The following CFAP69 variants were observed in gnomAD, a reference collection of about 807,000 sequenced individuals.
CFAP69 encodes cilia and flagella associated protein 69, also known as cilia- and flagella-associated protein 69.
A neutral mutation model predicts 123.0 loss-of-function variants in CFAP69; 92 were observed. The ratio of observed to expected loss-of-function variants is 0.75; its 90% confidence interval spans 0.63 to 0.89. The LOEUF (loss-of-function observed/expected upper bound fraction) is 0.89, where lower values mean the gene tolerates loss of function less well. CFAP69 is among the 40% of genes least tolerant of loss of function. CFAP69 has a pLI of 0.00. For synonymous variants in CFAP69, 380 were observed against 364.3 expected (o/e 1.04, Z -0.49); for missense variants, 1,067 against 1,096.9 (o/e 0.97, Z 0.39).
chr7:90,296,354 G>T (rs1018586512), intron 15 of CFAP69, among the ~76,000 whole-genome samples: 5 of 151,592 alleles, frequency 3.3e-5, no homozygotes, highest in Admixed American at 6.6e-5. Context: ...TTTAGACGGG[G>T]TCTCATTCTG....
intron 15 of CFAP69, among the ~76,000 whole-genome samples, chr7:90,289,726 G>C (rs1287836312): frequency 6.6e-6 from 1 of 152,052 alleles, no homozygotes; most frequent in Admixed American, 6.6e-5. Context: ...CACTGCCTAT[G>C]TTTCTTCTAG....
At position 90,310,006 on chromosome 7, in the gene CFAP69, G is replaced by A. The variant is rs1338090565; in HGVS notation, c.2656-62G>A. On this transcript the variant is annotated intron_variant, in intron 22 of 22. Transcript: ENST00000389297. Reference sequence around the variant, plus strand: ...CAAAAGTAAGCTGAAGGATGAATGAGTTTTTCTCTTGTTGAAAATTGTGTA... The same window carrying A: ...CAAAAGTAAGCTGAAGGATGAATGAATTTTTCTCTTGTTGAAAATTGTGTA... The A allele has an allele frequency of 6.5e-6, 9 of 1,392,258 alleles. No homozygotes were observed. In the African/African-American group the frequency reaches 8.6e-5, roughly 13 times the overall value. 86.2% of individuals were successfully genotyped at this position (1,392,258 alleles called of 1,614,324 possible).
At chr7:90,303,654 G>A (rs1296834813) in intron 17 of CFAP69, 1 of 985,844 alleles carries the variant, frequency 1.0e-6, no homozygotes, top group East Asian at 1.0e-4. Flanking sequence ...CTGTTAAACT[G>A]ACATTACTCA....
chr7:90,247,349 C>T (rs538299232), intron 1 of CFAP69, among the ~76,000 whole-genome samples: 1 of 152,252 alleles, frequency 6.6e-6, no homozygotes, highest in African/African-American at 2.4e-5. Context: ...TCTTTCAAAC[C>T]ACTGCACATT....
intron 17 of CFAP69, chr7:90,301,747 A>T (rs1792850633): frequency 6.6e-6 from 1 of 152,126 alleles, no homozygotes; most frequent in Non-Finnish European, 1.5e-5. Flanking sequence ...ATTTAGGTTG[A>T]TTCCATGTCT....
intron 16 of CFAP69, among the ~76,000 whole-genome samples, chr7:90,299,246 A>G (rs955177255): frequency 6.6e-6 from 1 of 152,168 alleles, no homozygotes; most frequent in Admixed American, 6.5e-5. Context: ...ATTGCTCTGG[A>G]TGGAATTTTC....
chr7:90,306,767 C>T, intron 19 of CFAP69, 134 bp from the exon 20 acceptor site: 1 of 647,090 alleles, frequency 1.5e-6, no homozygotes, highest in Non-Finnish European at 2.8e-6. Context: ...TCCCAATGCA[C>T]TTATTCCCAG....
At chr7:90,266,166 A>G (rs887982836) in intron 5 of CFAP69, 1 of 152,164 alleles carries the variant, frequency 6.6e-6, no homozygotes, top group East Asian at 1.9e-4. Context: ...TAGAGATTCA[A>G]CTGGAATGAA....
intron 1 of CFAP69, among the ~76,000 whole-genome samples, chr7:90,248,109 C>T (rs1194710220): frequency 2.6e-5 from 4 of 152,306 alleles, no homozygotes; most frequent in Admixed American, 6.5e-5. Context: ...TGAAATCTTA[C>T]TTGCTTTAAT....
chr7:90,274,539 T>C (rs905267256), intron 9 of CFAP69, among the ~76,000 whole-genome samples: 2 of 152,190 alleles, frequency 1.3e-5, no homozygotes, highest in Non-Finnish European at 2.9e-5. Context: ...TATAGAACTC[T>C]AGGCTGAAAA....
At chr7:90,283,664 C>A (rs990386895) in intron 13 of CFAP69, among the ~76,000 whole-genome samples, 1 of 152,122 alleles carries the variant, frequency 6.6e-6, no homozygotes, top group Non-Finnish European at 1.5e-5. Context: ...AACCCCTAAA[C>A]AAAAGCTGCT....
chr7:90,293,363 T>C (rs967735882), intron 15 of CFAP69, among the ~76,000 whole-genome samples: 4 of 152,184 alleles, frequency 2.6e-5, no homozygotes, highest in Non-Finnish European at 5.9e-5. Context: ...ACAATTTCTG[T>C]TAAAGAGCAG....
At chr7:90,270,688 T>G (rs1193852258) in intron 6 of CFAP69, among the ~76,000 whole-genome samples, 1 of 152,062 alleles carries the variant, frequency 6.6e-6, no homozygotes, top group Non-Finnish European at 1.5e-5. Context: ...AAGAATCTAG[T>G]TGGACTCAAA....
At chr7:90,252,079 A>G (rs887778745) in intron 1 of CFAP69, 8 of 151,646 alleles carry the variant, frequency 5.3e-5, no homozygotes, top group African/African-American at 1.7e-4. Context: ...TTCTAAACAA[A>G]TATTTCAGAA....
intron 1 of CFAP69, among the ~76,000 whole-genome samples, chr7:90,250,222 GAGAGAGAGA>G (rs1251793201): frequency 8.6e-6 from 1 of 115,892 alleles, no homozygotes. Context: ...GAGAGAGAGA[GAGAGAGAGA>G]GAGACTCCTT....
intron 1 of CFAP69, among the ~76,000 whole-genome samples, chr7:90,248,654 C>T (rs1280532521): frequency 6.6e-6 from 1 of 152,172 alleles, no homozygotes; most frequent in East Asian, 1.9e-4. Flanking sequence ...GTGAACTTCT[C>T]ATAGACATAT....
intron 8 of CFAP69, among the ~76,000 whole-genome samples, chr7:90,273,081 G>A (rs962154952): frequency 7.2e-5 from 11 of 152,100 alleles, no homozygotes; most frequent in African/African-American, 2.7e-4. Context: ...TTAATACAAG[G>A]GAACCTAACT....
intron 2 of CFAP69, among the ~76,000 whole-genome samples, chr7:90,257,479 T>C (rs954064650): frequency 2.0e-5 from 3 of 152,176 alleles, no homozygotes; most frequent in Non-Finnish European, 4.4e-5. Flanking sequence ...GTTTGAAATA[T>C]ACAATACATT....
Position 90,271,660 on chromosome 7 carries a change from C to G in CFAP69, c.667C>G (p.His223Asp), listed in dbSNP as rs749010640. 1 of 1,613,348 alleles carries G rather than the reference C, an allele frequency of 6.2e-7. No homozygotes were observed. Among genetic ancestry groups the G allele is most frequent in the Non-Finnish European group, 8.5e-7 (1 of 1,179,562 alleles). ...EKLWVLKVLQ[H>D]LSTSEVNCTI... ...ACTTTGGGTACTTAAAGTTCTGCAG[C>G]ATCTCTCAACTTCTGGTTTGTATAT... Residue 223 changes from histidine to aspartate, a missense_variant, in exon 7 of 23, where the codon CAT becomes GAT. Physicochemically the swap from His to Asp is moderately conservative, Grantham distance 81 (BLOSUM62 -1). Transcript: ENST00000389297.
Sources: gnomAD v4.1 joint callset for allele counts (sites outside exome capture counted in the v4.1 genomes callset) on GRCh38, gnomAD v4.1.1 for gene constraint, MANE v1.5 for transcripts, NCBI Gene and HGNC (gene_info 2026-07-23, HGNC 2026-07-21) for gene names.